The following DENND1A variants were observed in gnomAD, a reference collection of about 807,000 sequenced individuals.
DENND1A encodes DENN domain-containing protein 1A.
DENND1A carries 51 observed loss-of-function variants against 113.7 expected under a neutral mutation model. The observed-to-expected ratio is 0.45, with a 90% confidence interval of 0.36 to 0.57. DENND1A has a LOEUF of 0.57. Among genes scored for constraint, DENND1A ranks in the 20% least tolerant of loss-of-function variants. The pLI is 0.00. For missense variants in DENND1A, 1,258 were observed against 1,395.9 expected, an observed-to-expected ratio of 0.90 and a Z score of 1.57; for synonymous variants, 565 against 570.8, an observed-to-expected ratio of 0.99 and a Z score of 0.14.
At chr9:123,434,231 T>G (rs944337231) in intron 19 of DENND1A, among the ~76,000 whole-genome samples, 6 of 152,332 alleles carry the variant, frequency 3.9e-5, no homozygotes, top group Non-Finnish European at 4.4e-5. Flanking sequence ...TTCACCATGT[T>G]GGCCAGGCTG....
intron 21 of DENND1A, among the ~76,000 whole-genome samples, chr9:123,392,798 T>C (rs2042923849): frequency 6.6e-6 from 1 of 152,194 alleles, no homozygotes; most frequent in South Asian, 2.1e-4. Flanking sequence ...TGTAATCTTT[T>C]ATCCCTCACC....
At chr9:123,919,970 T>G (rs1385625397) in intron 1 of DENND1A, among the ~76,000 whole-genome samples, 1 of 151,558 alleles carries the variant, frequency 6.6e-6, no homozygotes, top group African/African-American at 2.4e-5. Context: ...GGGAGGGAGT[T>G]ACAGTCAGTT....
At chr9:123,639,039 T>TAAAAA (rs750972974) in intron 9 of DENND1A, among the ~76,000 whole-genome samples, 126 of 32,028 alleles carry the variant, frequency 3.9e-3, no homozygotes, top group African/African-American at 7.0e-3. Flanking sequence ...GCATGAGTAG[T>TAAAAA]AAAAAAAAAA....
At chr9:123,782,211 T>C (rs1369151234) in intron 3 of DENND1A, among the ~76,000 whole-genome samples, 1 of 152,204 alleles carries the variant, frequency 6.6e-6, no homozygotes, top group Non-Finnish European at 1.5e-5. Context: ...GCCAGGGGTT[T>C]AGATCTCCAG....
chr9:123,451,964 G>A (rs1012818047), intron 17 of DENND1A, among the ~76,000 whole-genome samples: 6 of 151,916 alleles, frequency 3.9e-5, no homozygotes, highest in South Asian at 4.2e-4. Flanking sequence ...TTGGGAGGCC[G>A]AGGCAGGAGG....
At chr9:123,524,834 T>A (rs2054683842) in intron 13 of DENND1A, among the ~76,000 whole-genome samples, 1 of 152,218 alleles carries the variant, frequency 6.6e-6, no homozygotes, top group South Asian at 2.1e-4. Flanking sequence ...GTGCTCTTGT[T>A]ACAGCAACTG....
chr9:123,724,098 C>G (rs1193788393), intron 5 of DENND1A, among the ~76,000 whole-genome samples: 2 of 152,188 alleles, frequency 1.3e-5, no homozygotes, highest in Admixed American at 6.5e-5. Flanking sequence ...CTCAAAGACA[C>G]TGAACTAGTC....
intron 13 of DENND1A, among the ~76,000 whole-genome samples, chr9:123,508,543 T>C (rs1261505817): frequency 1.3e-5 from 2 of 152,234 alleles, no homozygotes; most frequent in Admixed American, 6.5e-5. Context: ...TGTGCCATGA[T>C]CTTTTGACAA....
At chr9:123,778,731 C>T (rs976606063) in intron 3 of DENND1A, among the ~76,000 whole-genome samples, 7 of 152,116 alleles carry the variant, frequency 4.6e-5, no homozygotes, top group Non-Finnish European at 1.0e-4. Context: ...ATGTGACCAG[C>T]TGGCTTCAGG....
intron 21 of DENND1A, among the ~76,000 whole-genome samples, chr9:123,393,516 G>A (rs1053103143): frequency 6.6e-6 from 1 of 150,928 alleles, no homozygotes; most frequent in Non-Finnish European, 1.5e-5. Context: ...GGGCAACACA[G>A]CTAGACCGCA....
intron 9 of DENND1A, among the ~76,000 whole-genome samples, chr9:123,632,213 T>C (rs1029770535): frequency 6.6e-6 from 1 of 151,786 alleles, no homozygotes; most frequent in Non-Finnish European, 1.5e-5. Flanking sequence ...GCCCTGACTC[T>C]TTCCTCCAGA....
intron 1 of DENND1A, among the ~76,000 whole-genome samples, chr9:123,918,526 A>T (rs957877474): frequency 2.0e-5 from 3 of 152,016 alleles, no homozygotes; most frequent in Non-Finnish European, 2.9e-5. Context: ...CACTGGACAA[A>T]GATAGGACAA....
chr9:123,884,470 C>T (rs1032732306), intron 1 of DENND1A, among the ~76,000 whole-genome samples: 3 of 152,220 alleles, frequency 2.0e-5, no homozygotes, highest in Non-Finnish European at 4.4e-5. Context: ...TTGTTTCATT[C>T]TCCTATAGAC....
chr9:123,843,551 G>T, intron 2 of DENND1A: 1 of 216,570 alleles, frequency 4.6e-6, no homozygotes. Flanking sequence ...CAATACCACT[G>T]AGTGGAGAAA....
intron 12 of DENND1A, among the ~76,000 whole-genome samples, chr9:123,576,460 A>G (rs1589208620): frequency 6.6e-6 from 1 of 152,150 alleles, no homozygotes; most frequent in East Asian, 1.9e-4. Context: ...GTCTGCTGAC[A>G]ATGATTTCTC....
chr9:123,578,605 C>T (rs2058734912), intron 12 of DENND1A, among the ~76,000 whole-genome samples: 1 of 152,096 alleles, frequency 6.6e-6, no homozygotes, highest in Non-Finnish European at 1.5e-5. Context: ...TTTCATCTAC[C>T]ATAATAACCC....
At chr9:123,819,346 T>C (rs551698667) in intron 2 of DENND1A, among the ~76,000 whole-genome samples, 4 of 152,154 alleles carry the variant, frequency 2.6e-5, no homozygotes, top group Non-Finnish European at 5.9e-5. Flanking sequence ...TCTTGCTATG[T>C]ATAATCCAAA....
At chr9:123,419,249 G>A (rs7862752) in intron 19 of DENND1A, among the ~76,000 whole-genome samples, 28,248 of 152,192 alleles carry the variant, frequency 0.19, 2,690 homozygotes, top group South Asian at 0.23. Context: ...GGCAGCTGGC[G>A]CATGACAGAG....
intron 22 of DENND1A, among the ~76,000 whole-genome samples, chr9:123,386,665 T>C (rs2130936394): frequency 6.6e-6 from 1 of 152,340 alleles, no homozygotes; most frequent in East Asian, 1.9e-4. Flanking sequence ...ATTACAGGTG[T>C]GAGCCACTGC....
Sources: gnomAD v4.1 joint callset for allele counts (sites outside exome capture counted in the v4.1 genomes callset) on GRCh38, gnomAD v4.1.1 for gene constraint, MANE v1.5 for transcripts, NCBI Gene and HGNC (gene_info 2026-07-23, HGNC 2026-07-21) for gene names.